The following PLSCR2 variants were observed in gnomAD, a reference collection of about 807,000 sequenced individuals.
The protein encoded by PLSCR2 is PL scramblase 2.
Under a neutral mutation model 25.3 loss-of-function variants are expected in PLSCR2, and 18 were observed. The ratio of observed to expected loss-of-function variants is 0.71; its 90% CI spans 0.49 to 1.06. The LOEUF is 1.06. Ranked by LOEUF, PLSCR2 falls within the 50% of genes least tolerant of loss-of-function variation. PLSCR2 has a pLI of 0.00. For synonymous variants in PLSCR2, 88 were observed against 87.3 expected (o/e 1.01, Z -0.04); for missense variants, 243 against 269.5 (o/e 0.90, Z 0.69).
At chr3:146,437,884 C>T (rs982667717), downstream of PLSCR2, among the ~76,000 whole-genome samples, 1 of 152,278 alleles carries the variant, frequency 6.6e-6, no homozygotes, top group Middle Eastern at 3.4e-3. Context: ...AATTTTAGAT[C>T]TTTCCTGCTT....
downstream of PLSCR2, among the ~76,000 whole-genome samples, chr3:146,431,302 A>G (rs2039536669): frequency 6.6e-6 from 1 of 152,208 alleles, no homozygotes; most frequent in African/African-American, 2.4e-5. Context: ...ATCCAAAATC[A>G]TTAGATCTGT....
upstream of PLSCR2, among the ~76,000 whole-genome samples, chr3:146,462,656 G>A (rs531019263): frequency 4.6e-5 from 7 of 151,462 alleles, no homozygotes; most frequent in Admixed American, 2.0e-4. Flanking sequence ...TAGTAGAGAC[G>A]GGGTTTCACC....
chr3:146,479,497 G>A (rs934419607), intron 1 of PLSCR2, among the ~76,000 whole-genome samples: 1 of 152,132 alleles, frequency 6.6e-6, no homozygotes, highest in Non-Finnish European at 1.5e-5. Context: ...GACAAAGAAG[G>A]CCATTACATA....
At chr3:146,460,071 T>G (rs776206847) in exon 2 of PLSCR2, 1 of 1,543,434 alleles carries the variant, frequency 6.5e-7, no homozygotes, top group Admixed American at 2.0e-5. Flanking sequence ...GTAGACAATA[T>G]GTCCGGGAGG....
intron 3 of PLSCR2, among the ~76,000 whole-genome samples, chr3:146,392,423 TTG>T (rs1269430532): frequency 1.3e-5 from 2 of 152,114 alleles, no homozygotes; most frequent in Non-Finnish European, 2.9e-5. Context: ...TTTGCTTCTC[TTG>T]TGTGTTTTTG....
intron 2 of PLSCR2, among the ~76,000 whole-genome samples, chr3:146,400,913 A>G (rs2038449110): frequency 6.6e-6 from 1 of 151,986 alleles, no homozygotes; most frequent in Non-Finnish European, 1.5e-5. Flanking sequence ...GTAGAAAAAG[A>G]ATAGTCTTTT....
chr3:146,470,772 G>A (rs965346878), intron 1 of PLSCR2, among the ~76,000 whole-genome samples: 6 of 152,064 alleles, frequency 3.9e-5, no homozygotes, highest in Non-Finnish European at 5.9e-5. Context: ...ATAGAAAAAG[G>A]AAGAAGGAAA....
At chr3:146,423,276 TC>T (rs2039220444) in intron 2 of PLSCR2, among the ~76,000 whole-genome samples, 1 of 136,766 alleles carries the variant, frequency 7.3e-6, no homozygotes, top group Non-Finnish European at 1.5e-5. Flanking sequence ...TCTCTCTCTC[TC>T]TCTCTCCCTG....
upstream of PLSCR2, chr3:146,463,834 C>A (rs1216055780): frequency 2.1e-6 from 2 of 973,302 alleles, no homozygotes; most frequent in Non-Finnish European, 2.4e-6. Context: ...CACCTCCTTA[C>A]CTGCCATTTC....
At chr3:146,460,875 C>T (rs532842505), upstream of PLSCR2, among the ~76,000 whole-genome samples, 3 of 152,216 alleles carry the variant, frequency 2.0e-5, no homozygotes, top group South Asian at 6.2e-4. Context: ...CTCCTGTTTC[C>T]CTTGATATTG....
At chr3:146,474,852 C>T (rs2042232860) in intron 1 of PLSCR2, among the ~76,000 whole-genome samples, 1 of 151,642 alleles carries the variant, frequency 6.6e-6, no homozygotes, top group African/African-American at 2.4e-5. Context: ...CTCATTTTTT[C>T]TCTATTCTCG....
chr3:146,423,421 C>T (rs1367603295), intron 2 of PLSCR2, among the ~76,000 whole-genome samples: 3 of 151,940 alleles, frequency 2.0e-5, no homozygotes, highest in African/African-American at 4.8e-5. Context: ...ATCTATAACA[C>T]ATTACTTATT....
At chr3:146,463,334 G>C (rs982925518), upstream of PLSCR2, among the ~76,000 whole-genome samples, 1 of 152,058 alleles carries the variant, frequency 6.6e-6, no homozygotes, top group South Asian at 2.1e-4. Flanking sequence ...CCGCCACCAC[G>C]CCCGGAATAA....
intron 6 of PLSCR2, among the ~76,000 whole-genome samples, chr3:146,446,661 C>A (rs1057060244): frequency 6.6e-6 from 1 of 152,156 alleles, no homozygotes; most frequent in African/African-American, 2.4e-5. Flanking sequence ...TATCTGGCTA[C>A]CACCTATGTT....
At chr3:146,451,093 A>ATACATTAAG (rs1480049812) in intron 5 of PLSCR2, among the ~76,000 whole-genome samples, 1 of 149,532 alleles carries the variant, frequency 6.7e-6, no homozygotes, top group Non-Finnish European at 1.5e-5. Flanking sequence ...CATAAGAAGT[A>ATACATTAAG]TACATTAAGT....
In PLSCR2 at chr3:146,491,831, G is replaced by A. The variant is rs150666686; in HGVS notation, c.-293+4064C>T. 1.8e-3 allele frequency among the ~76,000 whole-genome samples: 276 copies of A among 152,180 alleles called. No homozygotes were observed. The Middle Eastern group carries it at 0.024, about 13-fold the overall frequency. ...TTGCTATCCATACTCTGAATTCTAT[G>A]TCTGTCACTTCAGCCATTTCAGTGT... On this transcript the variant is annotated intron_variant, in intron 1 of 8. Coordinates refer to the PLSCR2 transcript ENST00000336685.
chr3:146,439,569 G>T (rs1393027856), downstream of PLSCR2, among the ~76,000 whole-genome samples: 3 of 151,574 alleles, frequency 2.0e-5, no homozygotes, highest in Admixed American at 6.6e-5. Context: ...ATCAAATTGG[G>T]TACTGTGTGC....
intron 1 of PLSCR2, among the ~76,000 whole-genome samples, chr3:146,495,238 T>G (rs1344847091): frequency 6.6e-6 from 1 of 152,158 alleles, no homozygotes; most frequent in Non-Finnish European, 1.5e-5. Context: ...GAGAAGAACA[T>G]AAATGTCTTC....
At chr3:146,464,391 G>C (rs2041767331), upstream of PLSCR2, among the ~76,000 whole-genome samples, 1 of 152,120 alleles carries the variant, frequency 6.6e-6, no homozygotes, top group Non-Finnish European at 1.5e-5. Context: ...TGACTAATAT[G>C]ATGAGTCTAT....
Sources: allele counts gnomAD v4.1 joint callset (sites outside exome capture counted in the v4.1 genomes callset), GRCh38; gene constraint gnomAD v4.1.1; transcripts MANE v1.5; gene names NCBI Gene and HGNC (gene_info 2026-07-23, HGNC 2026-07-21).